Variants in KTN1 observed in about 807,000 individuals in gnomAD.
The protein encoded by KTN1 is kinectin.
A neutral mutation model predicts 222.5 loss-of-function variants in KTN1; 130 were observed. The ratio of observed to expected loss-of-function variants is 0.58; its 90% CI spans 0.51 to 0.68. The LOEUF is 0.68. Ranked by LOEUF, KTN1 falls within the 30% of genes least tolerant of loss-of-function variation. The pLI is 0.00. For missense variants in KTN1, 1,508 were observed against 1,500.4 expected, an observed-to-expected ratio of 1.01 and a Z score of -0.08; for synonymous variants, 512 against 496.3, an observed-to-expected ratio of 1.03 and a Z score of -0.42.
At chr14:55,617,856 C>T in intron 3 of KTN1, 108 bp from the exon 4 acceptor site, 3 of 799,788 alleles carry the variant, frequency 3.8e-6, no homozygotes, top group Non-Finnish European at 5.8e-6. Context: ...ATTTGAGCTA[C>T]CAGTAAATGT....
At chr14:55,651,201 G>A (rs1035766638) in intron 24 of KTN1, 2 of 452,282 alleles carry the variant, frequency 4.4e-6, no homozygotes, top group South Asian at 1.6e-5. Context: ...CACTGTACTC[G>A]TGATTGGTGG....
At chr14:55,657,838 C>G (rs934196338) in intron 29 of KTN1, among the ~76,000 whole-genome samples, 1 of 151,916 alleles carries the variant, frequency 6.6e-6, no homozygotes, top group Non-Finnish European at 1.5e-5. Context: ...CACTTGAACC[C>G]GGGAGGCAGA....
intron 35 of KTN1, among the ~76,000 whole-genome samples, chr14:55,671,072 C>G (rs2045402290): frequency 1.3e-5 from 2 of 152,230 alleles, no homozygotes; most frequent in South Asian, 4.1e-4. Context: ...TTATCCCTTA[C>G]TATCTTTTTA....
At chr14:55,586,638 T>C (rs2033061611) in intron 1 of KTN1, among the ~76,000 whole-genome samples, 1 of 152,148 alleles carries the variant, frequency 6.6e-6, no homozygotes, top group African/African-American at 2.4e-5. Context: ...TGTGCAGCTG[T>C]CTAATGTTAG....
intron 30 of KTN1, among the ~76,000 whole-genome samples, chr14:55,659,400 C>T (rs1417003954): frequency 6.6e-6 from 1 of 151,174 alleles, no homozygotes; most frequent in East Asian, 1.9e-4. Flanking sequence ...TGCTTCCATG[C>T]ACATAGTGGG....
intron 34 of KTN1, among the ~76,000 whole-genome samples, chr14:55,669,315 G>T (rs1463934807): frequency 6.6e-6 from 1 of 152,004 alleles, no homozygotes; most frequent in Non-Finnish European, 1.5e-5. Context: ...ATAAATGGAT[G>T]ATACTGTTTG....
intron 18 of KTN1, among the ~76,000 whole-genome samples, chr14:55,643,475 A>G (rs1448457299): frequency 2.6e-5 from 4 of 152,168 alleles, no homozygotes; most frequent in African/African-American, 9.7e-5. Flanking sequence ...GGAAAAGCAG[A>G]GTATAGTTTC....
At chr14:55,599,903 T>G (rs868760595) in intron 1 of KTN1, among the ~76,000 whole-genome samples, 1 of 152,134 alleles carries the variant, frequency 6.6e-6, no homozygotes, top group South Asian at 2.1e-4. Context: ...TAAATCTATT[T>G]TTTTAACTTA....
chr14:55,580,243 C>G lies in KTN1; in HGVS notation c.-142C>G, dbSNP rs1414659619. ...TTTCCTGCCGAGCGGCGCGACGGCA[C>G]CTGAGCGACTGCGGCGGCGGCGGCG... On this transcript the variant is annotated 5_prime_UTR_variant, in exon 1 of 44. Transcript: ENST00000395314. The G allele has an allele frequency of 1.3e-5, 2 of 148,420 alleles. No individual in the cohort carries two copies. The highest frequency in any genetic ancestry group is 2.9e-5 in the Non-Finnish European group (2 of 68,920). The allele number at this position is 148,420 out of a possible 1,614,324, so 9.2% of individuals were successfully genotyped here. A position where few individuals can be genotyped will look rare whatever the true frequency, so the allele number is the denominator to read the frequency against.
At chr14:55,632,800 C>CT (rs2040683674) in intron 7 of KTN1, among the ~76,000 whole-genome samples, 1 of 152,108 alleles carries the variant, frequency 6.6e-6, no homozygotes, top group South Asian at 2.1e-4. Context: ...CAATTTGTAA[C>CT]TTAATATAAA....
intron 5 of KTN1, among the ~76,000 whole-genome samples, chr14:55,626,001 A>G (rs12895070): frequency 0.22 from 33,763 of 152,010 alleles, 4,287 homozygotes; most frequent in East Asian, 0.37. Context: ...TTTGGCATTC[A>G]GTAATTGTAC....
At chr14:55,683,662 ATTTC>A (rs1237646919) in intron 43 of KTN1, 1 of 153,394 alleles carries the variant, frequency 6.5e-6, no homozygotes, top group Non-Finnish European at 1.4e-5. Context: ...TTGAAGTTTA[ATTTC>A]TTTAGTCATC....
Position 55,684,302 on chromosome 14 carries a change from G to T in KTN1, c.*199G>T. ...ACTCTGTAGACACCTTCAGAGTTTAGTTTTATAATAAAAACTGTTTGAATA... is the reference window on the plus strand; with the variant it reads ...ACTCTGTAGACACCTTCAGAGTTTATTTTTATAATAAAAACTGTTTGAATA... On this transcript the variant is annotated 3_prime_UTR_variant, in exon 44 of 44. Transcript: ENST00000395314. The T allele has an allele frequency of 2.4e-6, 1 of 415,756 alleles. No homozygotes were observed. The highest frequency in any genetic ancestry group is 4.3e-6 in the Non-Finnish European group (1 of 235,114). The allele number at this position is 415,756 out of a possible 1,614,324, so 25.8% of individuals were successfully genotyped here. A position where few individuals can be genotyped will look rare whatever the true frequency, so the allele number is the denominator to read the frequency against.
chr14:55,616,511 A>G lies in KTN1; in HGVS notation c.524-6A>G. 2.6e-6 allele frequency: 4 copies of G among 1,567,182 alleles called. No homozygotes were observed. The highest frequency in any genetic ancestry group is 3.4e-6 in the Non-Finnish European group (4 of 1,165,616). ...CAATTATTTTTTTTGTTTGTGTTTA[A>G]TAAAGATGACCAGGATAAAAAGGTG... is the stretch of plus-strand genomic sequence containing the variant. On this transcript the variant is annotated splice_region_variant and splice_polypyrimidine_tract_variant and intron_variant, in intron 2 of 43. Transcript: ENST00000395314.
chr14:55,637,822 A>G lies in KTN1; in HGVS notation c.1760A>G (p.Gln587Arg). The G allele has an allele frequency of 6.2e-7, 1 of 1,611,516 alleles. No individual in the cohort carries two copies. ...QNEALKAQIQ[Q>R]FHSQIAAQTS... Reference sequence around the variant, plus strand: ...GAGGCTTTGAAAGCTCAAATTCAGCAGTTCCATTCCCAGATAGCAGCCCAG... The same window carrying G: ...GAGGCTTTGAAAGCTCAAATTCAGCGGTTCCATTCCCAGATAGCAGCCCAG... The change falls in exon 12 of 44, where the codon CAG becomes CGG. Residue 587 changes from glutamine to arginine, a missense_variant. Transcript: ENST00000395314.
chr14:55,634,993 G>A (rs1038811046), intron 9 of KTN1, among the ~76,000 whole-genome samples: 12 of 152,138 alleles, frequency 7.9e-5, no homozygotes, highest in Non-Finnish European at 1.5e-4. Flanking sequence ...TTACCTCCAC[G>A]TGGTCTCTCC....
At chr14:55,613,619 G>A (rs999735817) in intron 2 of KTN1, among the ~76,000 whole-genome samples, 2 of 134,900 alleles carry the variant, frequency 1.5e-5, no homozygotes, top group Non-Finnish European at 3.4e-5. Flanking sequence ...TCAGCCTCCC[G>A]AGTAGCTGGA....
chr14:55,640,904 A>G (rs2041732410), intron 15 of KTN1, 29 bp from the exon 16 acceptor site: 7 of 1,598,812 alleles, frequency 4.4e-6, no homozygotes, highest in Non-Finnish European at 6.0e-6. Context: ...CTGTGAAGTG[A>G]TATCATTTTC....
chr14:55,634,948 A>G (rs2040948527), intron 9 of KTN1, among the ~76,000 whole-genome samples: 1 of 152,098 alleles, frequency 6.6e-6, no homozygotes, highest in African/African-American at 2.4e-5. Flanking sequence ...CACTATTACA[A>G]GAACAGCATG....
Sources: gnomAD v4.1 joint callset for allele counts (sites outside exome capture counted in the v4.1 genomes callset) on GRCh38, gnomAD v4.1.1 for gene constraint, MANE v1.5 for transcripts, NCBI Gene and HGNC (gene_info 2026-07-23, HGNC 2026-07-21) for gene names.